Variants in SNX8 observed in about 807,000 individuals in gnomAD.
SNX8 encodes the protein sorting nexin 8.
Under a neutral mutation model 51.6 loss-of-function variants are expected in SNX8, and 25 were observed. That is an observed-to-expected ratio of 0.48 (90% confidence interval 0.35 to 0.68). The LOEUF (loss-of-function observed/expected upper bound fraction) is 0.68. Ranked by LOEUF, SNX8 falls within the 30% of genes least tolerant of loss-of-function variation. The probability of loss-of-function intolerance (pLI) is 0.00; values close to 1 mark genes in which losing one functional copy is unlikely to be tolerated. For missense variants in SNX8, 695 were observed against 624.0 expected, an observed-to-expected ratio of 1.11 and a Z score of -1.21; for synonymous variants, 324 against 277.0, an observed-to-expected ratio of 1.17 and a Z score of -1.68.
At chr7:2,321,713 CTT>C (rs59105866) in intron 1 of SNX8, among the ~76,000 whole-genome samples, 4,155 of 88,586 alleles carry the variant, frequency 0.047, 206 homozygotes, top group African/African-American at 0.19. Flanking sequence ...CGCGCCCGGC[CTT>C]TTTTTTTTTT....
chr7:2,313,145 C>T (rs991154040), intron 1 of SNX8, among the ~76,000 whole-genome samples: 2 of 151,926 alleles, frequency 1.3e-5, no homozygotes, highest in Middle Eastern at 3.2e-3. Context: ...GTGATCCGCC[C>T]GCCTCGGCCT....
chr7:2,291,306 A>T (rs1796145496), intron 1 of SNX8, among the ~76,000 whole-genome samples: 1 of 152,056 alleles, frequency 6.6e-6, no homozygotes, highest in Non-Finnish European at 1.5e-5. Context: ...TTAAAAAAAA[A>T]AAGAAACTAG....
chr7:2,263,407 G>A, intron 6 of SNX8, 45 bp from the exon 7 acceptor site: 1 of 1,536,170 alleles, frequency 6.5e-7, no homozygotes. Flanking sequence ...AAGGCCTGGA[G>A]CTCACCTGGC....
intron 1 of SNX8, among the ~76,000 whole-genome samples, chr7:2,300,141 A>C (rs1410595979): frequency 6.6e-6 from 1 of 152,222 alleles, no homozygotes; most frequent in South Asian, 2.1e-4. Context: ...TGCACTGAAC[A>C]CGAAGACCTA....
intron 1 of SNX8, among the ~76,000 whole-genome samples, chr7:2,342,017 T>A (rs908926048): frequency 6.6e-6 from 1 of 150,902 alleles, no homozygotes; most frequent in Admixed American, 6.6e-5. Flanking sequence ...CCCAGCACTT[T>A]GGGAGGCTGA....
intron 1 of SNX8, among the ~76,000 whole-genome samples, chr7:2,288,621 G>A (rs1376783790): frequency 1.3e-5 from 2 of 152,060 alleles, no homozygotes; most frequent in Admixed American, 1.3e-4. Flanking sequence ...CAGGGCCATC[G>A]CACCCAGAGA....
At position 2,263,286 on chromosome 7, in the gene SNX8, C is replaced by A; in HGVS notation, c.859G>T (p.Ala287Ser). 6.2e-7 allele frequency: 1 copy of A among 1,613,986 alleles called. No homozygotes were observed. The highest frequency in any genetic ancestry group is 1.1e-5 in the South Asian group (1 of 91,086). ...NSSTWGSLKQ[A>S]LKGLSVEFAL... is the part of the protein sequence containing the mutation. ...AATTCCACAGACAGGCCTTTCAGAG[C>A]CTGCTTCAGGGACCCCCACGTGCTG... The change falls in exon 7 of 11, where the codon GCT becomes TCT. Residue 287 changes from alanine to serine, a missense_variant. Physicochemically the swap from Ala to Ser is moderately conservative, Grantham distance 99. Transcript: ENST00000222990.
chr7:2,283,192 A>C (rs1795948527), intron 1 of SNX8, among the ~76,000 whole-genome samples: 1 of 152,028 alleles, frequency 6.6e-6, no homozygotes. Context: ...CCCTTCATTG[A>C]AGCACACCTT....
At chr7:2,302,558 C>G (rs895413713) in intron 1 of SNX8, among the ~76,000 whole-genome samples, 10 of 150,726 alleles carry the variant, frequency 6.6e-5, no homozygotes, top group African/African-American at 2.2e-4. Flanking sequence ...TCTGCCTGGC[C>G]GCCCATCGTC....
At chr7:2,290,616 A>G (rs796960253) in intron 1 of SNX8, among the ~76,000 whole-genome samples, 10 of 152,374 alleles carry the variant, frequency 6.6e-5, no homozygotes, top group African/African-American at 2.4e-4. Flanking sequence ...AGAAAGCCAT[A>G]TAACTTAATT....
intron 1 of SNX8, among the ~76,000 whole-genome samples, chr7:2,342,810 T>C (rs1050274437): frequency 5.9e-5 from 9 of 152,166 alleles, no homozygotes; most frequent in African/African-American, 2.2e-4. Flanking sequence ...TATTTATTTA[T>C]TTACATTATT....
In SNX8 at chr7:2,281,818, G is replaced by A. The variant is rs892971367; in HGVS notation, c.95-3513C>T. Among the ~76,000 whole-genome samples the A allele has an allele frequency of 2.0e-5, 3 of 152,184 alleles. No individual in the cohort carries two copies. In the East Asian group the frequency reaches 5.8e-4, roughly 29 times the overall value. On this transcript the variant is annotated intron_variant, in intron 1 of 10. Transcript: ENST00000222990. The stretch of plus-strand genomic sequence containing the variant: ...GCACGCAGCCGCCTCTGAGCTTACT[G>A]TTCAAATCCGTGCGGTGGGTGTAAG...
intron 4 of SNX8, 111 bp downstream of exon 4, chr7:2,271,739 T>C: frequency 4.7e-6 from 6 of 1,266,070 alleles, no homozygotes; most frequent in Non-Finnish European, 6.5e-6. Flanking sequence ...CTGCTGGGCG[T>C]CCAAACAAGG....
chr7:2,276,300 C>A (rs944414625), intron 2 of SNX8, among the ~76,000 whole-genome samples: 1 of 152,206 alleles, frequency 6.6e-6, no homozygotes, highest in African/African-American at 2.4e-5. Flanking sequence ...ACCAGCTGGT[C>A]CACATCCCCG....
In SNX8 at chr7:2,257,596, C is replaced by T. The variant is rs369433805; in HGVS notation, c.985-82G>A. On this transcript the variant is annotated intron_variant, in intron 8 of 10. Coordinates refer to ENST00000222990, the MANE Select transcript of SNX8 (RefSeq NM_013321.4). ...CGGAGCCGGCCGAGGGAAGCACCCC[C>T]GCCAGACGGAAGGCCCCGTCTTCCC... 1.1e-3 allele frequency: 1,665 copies of T among 1,582,246 alleles called. 36 individuals carry two copies. In the South Asian group the frequency reaches 0.016, roughly 15 times the overall value.
chr7:2,336,373 C>G (rs981062585), intron 1 of SNX8, among the ~76,000 whole-genome samples: 1 of 151,860 alleles, frequency 6.6e-6, no homozygotes, highest in South Asian at 2.1e-4. Flanking sequence ...TCACTCCAGC[C>G]TGGGCAACTT....
chr7:2,296,566 T>A (rs1216339071), intron 1 of SNX8, among the ~76,000 whole-genome samples: 2 of 152,016 alleles, frequency 1.3e-5, no homozygotes, highest in Non-Finnish European at 2.9e-5. Flanking sequence ...CAGATGCACT[T>A]TATTTCTCTT....
chr7:2,310,901 C>G (rs956532725), intron 1 of SNX8, among the ~76,000 whole-genome samples: 2 of 152,036 alleles, frequency 1.3e-5, no homozygotes, highest in African/African-American at 2.4e-5. Flanking sequence ...AATGTGAAAA[C>G]AGAACTAAAA....
At chr7:2,344,961 T>A (rs1030971162) in intron 1 of SNX8, among the ~76,000 whole-genome samples, 1 of 152,172 alleles carries the variant, frequency 6.6e-6, no homozygotes, top group Non-Finnish European at 1.5e-5. Context: ...CGATACCCTT[T>A]CACGCACAGC....
Sources: gnomAD v4.1 joint callset for allele counts (sites outside exome capture counted in the v4.1 genomes callset) on GRCh38, gnomAD v4.1.1 for gene constraint, MANE v1.5 for transcripts, NCBI Gene and HGNC (gene_info 2026-07-23, HGNC 2026-07-21) for gene names.